CLASP2: variants seen among roughly 807,000 people sequenced by gnomAD.
CLASP2 encodes cytoplasmic linker associated protein 2, also known as CLIP-associating protein 2.
Under a neutral mutation model 194.4 loss-of-function variants are expected in CLASP2, and 47 were observed. The ratio of observed to expected loss-of-function variants is 0.24; its 90% CI spans 0.19 to 0.31. The LOEUF (loss-of-function observed/expected upper bound fraction) is 0.31. Ranked by LOEUF, CLASP2 falls within the 10% of genes least tolerant of loss-of-function variation. The pLI, the probability that CLASP2 is intolerant of heterozygous loss-of-function variation, is 1.00. For missense variants in CLASP2, 1,445 were observed against 1,823.6 expected, an observed-to-expected ratio of 0.79 and a Z score of 3.78; for synonymous variants, 619 against 633.5, an observed-to-expected ratio of 0.98 and a Z score of 0.34.
chr3:33,570,033 T>C (rs999945694), intron 26 of CLASP2, among the ~76,000 whole-genome samples: 2 of 152,182 alleles, frequency 1.3e-5, no homozygotes, highest in Admixed American at 6.5e-5. Flanking sequence ...CTGTAGACAT[T>C]TGGTATCCTA....
chr3:33,537,728 T>G (rs1440781079), intron 33 of CLASP2, among the ~76,000 whole-genome samples: 1 of 152,002 alleles, frequency 6.6e-6, no homozygotes. Flanking sequence ...GCCACATTAT[T>G]AAAAAAACAA....
chr3:33,661,008 G>GT (rs1302181354), intron 7 of CLASP2, among the ~76,000 whole-genome samples: 2 of 152,100 alleles, frequency 1.3e-5, no homozygotes, highest in Non-Finnish European at 2.9e-5. Flanking sequence ...ATAAAAATTT[G>GT]TTTTCAGTAT....
chr3:33,674,811 C>G (rs1357041788), intron 6 of CLASP2, among the ~76,000 whole-genome samples: 1 of 152,178 alleles, frequency 6.6e-6, no homozygotes, highest in East Asian at 1.9e-4. Flanking sequence ...ACAAACACCT[C>G]TACGCAAATA....
chr3:33,663,044 A>G (rs1482173327), intron 7 of CLASP2, among the ~76,000 whole-genome samples: 3 of 152,098 alleles, frequency 2.0e-5, no homozygotes, highest in Non-Finnish European at 4.4e-5. Flanking sequence ...GTACACAGAT[A>G]TAATAGAACC....
At position 33,653,464 on chromosome 3, in the gene CLASP2, A is replaced by G. The variant is rs147116017; in HGVS notation, c.716-8561T>C. Among the ~76,000 whole-genome samples, 783 of 152,326 alleles carry G rather than the reference A, an allele frequency of 5.1e-3. 6 individuals are homozygous for G. Among genetic ancestry groups the G allele is most frequent in the African/African-American group, 0.018 (746 of 41,578 alleles). ...AGTGAGATAAATCCTATAGATGAAT[A>G]GAGCCTTAAGAGGTATATCAACCAA... On this transcript the variant is annotated intron_variant, in intron 7 of 38. Coordinates refer to ENST00000682230, the MANE Select transcript of CLASP2 (RefSeq NM_001365631.1).
Position 33,603,133 on chromosome 3 carries a change from A to T in CLASP2, c.1751-8T>A. Reference sequence around the variant, plus strand: ...TGCTGCTGCCTGCTGATACTACGAAATACAAAGCAAAGATAACTTATATCA... The same window carrying T: ...TGCTGCTGCCTGCTGATACTACGAATTACAAAGCAAAGATAACTTATATCA... On this transcript the variant is annotated splice_region_variant and splice_polypyrimidine_tract_variant and intron_variant, in intron 17 of 38. Transcript: ENST00000682230. 1 of 1,552,514 alleles carries T rather than the reference A, an allele frequency of 6.4e-7. No individual in the cohort carries two copies. The highest frequency in any genetic ancestry group is 8.7e-7 in the Non-Finnish European group (1 of 1,146,420).
At chr3:33,544,016 A>T (rs1199520832) in intron 31 of CLASP2, among the ~76,000 whole-genome samples, 1 of 152,192 alleles carries the variant, frequency 6.6e-6, no homozygotes, top group Admixed American at 6.5e-5. Context: ...TTTTAGAATT[A>T]CTTTTAACCC....
chr3:33,506,729 C>T (rs1398529176), intron 37 of CLASP2, among the ~76,000 whole-genome samples: 1 of 152,104 alleles, frequency 6.6e-6, no homozygotes, highest in African/African-American at 2.4e-5. Flanking sequence ...CCTAGCATCA[C>T]ATTTATTAAA....
chr3:33,554,295 G>C (rs2060546416), intron 29 of CLASP2, among the ~76,000 whole-genome samples: 2 of 151,766 alleles, frequency 1.3e-5, no homozygotes, highest in South Asian at 2.1e-4. Context: ...AGAAAATGTG[G>C]TATATATACA....
In CLASP2 at chr3:33,609,073, A is replaced by C. The variant is rs566510814; in HGVS notation, c.1389-447T>G. ...GGTGGGTGGATCACTTGAGGTCAGG[A>C]GTTCGAGACCAGCCTGGCCAACATG... is the stretch of plus-strand genomic sequence containing the variant. On this transcript the variant is annotated intron_variant, in intron 13 of 38. Coordinates refer to ENST00000682230, the MANE Select transcript of CLASP2 (RefSeq NM_001365631.1). Among the ~76,000 whole-genome samples, 8 of 152,244 alleles carry C rather than the reference A, an allele frequency of 5.3e-5. No individual in the cohort carries two copies. In the South Asian group the frequency reaches 1.7e-3, roughly 32 times the overall value.
At chr3:33,709,035 T>C (rs547840749) in intron 1 of CLASP2, among the ~76,000 whole-genome samples, 1 of 152,340 alleles carries the variant, frequency 6.6e-6, no homozygotes, top group Non-Finnish European at 1.5e-5. Flanking sequence ...TGCCAGTATT[T>C]TCTCCCATTC....
At chr3:33,647,230 ATAAT>A (rs1253799233) in intron 7 of CLASP2, among the ~76,000 whole-genome samples, 7 of 152,066 alleles carry the variant, frequency 4.6e-5, no homozygotes, top group Non-Finnish European at 1.0e-4. Context: ...ATAACTATAT[ATAAT>A]TAGATTTTAG....
Position 33,659,361 on chromosome 3 carries a change from A to G in CLASP2, c.715+4084T>C. On this transcript the variant is annotated intron_variant, in intron 7 of 38. Coordinates refer to ENST00000682230, the MANE Select transcript of CLASP2 (RefSeq NM_001365631.1). ...AATGCCATCCCGCTGGGGGACTTTT[A>G]ATGCAATCATCAAAACACAAGGCAT... 5.6e-6 allele frequency: 6 copies of G among 1,075,828 alleles called. No homozygotes were observed. In the South Asian group the frequency reaches 2.7e-4, roughly 48 times the overall value. The allele number at this position is 1,075,828 out of a possible 1,614,324, so 66.6% of individuals were successfully genotyped here. A position where few individuals can be genotyped will look rare whatever the true frequency, so the allele number is the denominator to read the frequency against.
At chr3:33,513,546 A>C (rs368043164) in intron 36 of CLASP2, among the ~76,000 whole-genome samples, 2 of 152,282 alleles carry the variant, frequency 1.3e-5, no homozygotes, top group African/African-American at 4.8e-5. Flanking sequence ...AAAAAACCCC[A>C]AAACCCCTGC....
At chr3:33,514,741 A>C (rs1463353773) in intron 36 of CLASP2, 1 of 262,988 alleles carries the variant, frequency 3.8e-6, no homozygotes, top group East Asian at 8.6e-5. Context: ...ATAGCAGCAC[A>C]ATTGGCAATT....
rs943021481 is a variant in CLASP2, at chr3:33,717,911, T to C, written c.92A>G (p.Tyr31Cys). The C allele has an allele frequency of 3.2e-6, 5 of 1,553,324 alleles. No homozygotes were observed. The African/African-American group carries it at 6.8e-5, about 21-fold the overall frequency. Residue 31 changes from tyrosine (Y) to cysteine (C), a missense_variant, in exon 1 of 39, where the codon TAC becomes TGC. Physicochemically the swap from Tyr to Cys is radical, Grantham distance 194. Around this residue, in one of 4 missense-constraint regions of CLASP2, gnomAD observed 332 missense variants for 325.3 expected, o/e 1.02. Coordinates refer to ENST00000682230, the MANE Select transcript of CLASP2 (RefSeq NM_001365631.1). ...RLQVGQELLL[Y>C]LGAPGAISDL... ...CGAGATGGCGCCGGGGGCGCCAAGGTAGAGCAGGAGCTCCTGGCCGACCTG... is the reference window on the plus strand; with the variant it reads ...CGAGATGGCGCCGGGGGCGCCAAGGCAGAGCAGGAGCTCCTGGCCGACCTG...
intron 23 of CLASP2, chr3:33,577,059 G>GAAAAAA (rs11391504): frequency 5.0e-6 from 3 of 596,618 alleles, no homozygotes; most frequent in South Asian, 2.4e-5. Flanking sequence ...TGGGAGAAAA[G>GAAAAAA]AAAAAAAAAG....
At chr3:33,634,670 A>C (rs1356407830) in intron 8 of CLASP2, among the ~76,000 whole-genome samples, 1 of 152,230 alleles carries the variant, frequency 6.6e-6, no homozygotes, top group African/African-American at 2.4e-5. Context: ...AATTGCTGAG[A>C]GATTTTAAGT....
intron 2 of CLASP2, among the ~76,000 whole-genome samples, chr3:33,696,459 T>C (rs142044696): frequency 0.014 from 1,978 of 142,102 alleles, 42 homozygotes; most frequent in African/African-American, 0.048. Flanking sequence ...CTGGGTTACA[T>C]AACATTACTT....
Sources: allele counts gnomAD v4.1 joint callset (sites outside exome capture counted in the v4.1 genomes callset), GRCh38; gene constraint gnomAD v4.1.1; regional missense constraint gnomAD v4.1.1; transcripts MANE v1.5; gene names NCBI Gene and HGNC (gene_info 2026-07-23, HGNC 2026-07-21).